MIR2052HG: variants seen among roughly 807,000 people sequenced by gnomAD.
The protein encoded by MIR2052HG is MIR2052 host gene.
intron 2 of MIR2052HG, among the ~76,000 whole-genome samples, chr8:74,643,531 C>T (rs1320571799): frequency 6.6e-6 from 1 of 152,102 alleles, no homozygotes; most frequent in Non-Finnish European, 1.5e-5. Context: ...AGTCTGTCAG[C>T]TAACAAAATG....
In MIR2052HG at chr8:74,727,296, A is replaced by T. The variant is rs189173163; in HGVS notation, n.371+23614A>T. The stretch of plus-strand genomic sequence containing the variant: ...TAGTCATGTTTATAGTGACTGAGGA[A>T]ATCTCACAAGGAAAGCACTAAAGCA... On this transcript the variant is annotated intron_variant and non_coding_transcript_variant, in intron 4 of 6. Coordinates refer to ENST00000523442, the Ensembl canonical transcript of MIR2052HG. Among the ~76,000 whole-genome samples, 4 of 152,350 alleles carry T rather than the reference A, an allele frequency of 2.6e-5. No individual in the cohort carries two copies. The East Asian group carries it at 7.7e-4, about 29-fold the overall frequency.
intron 2 of MIR2052HG, among the ~76,000 whole-genome samples, chr8:74,687,391 A>T (rs1003202856): frequency 2.0e-5 from 3 of 152,174 alleles, no homozygotes; most frequent in African/African-American, 7.2e-5. Context: ...AGACATTTGC[A>T]CACTGATGCT....
At chr8:74,651,963 A>T (rs1282892240) in intron 2 of MIR2052HG, among the ~76,000 whole-genome samples, 1 of 152,162 alleles carries the variant, frequency 6.6e-6, no homozygotes, top group Non-Finnish European at 1.5e-5. Context: ...TCTCTCTGGC[A>T]TTCACTGGCA....
Position 74,608,826 on chromosome 8 carries a change from A to G in MIR2052HG, n.129-4027A>G, listed in dbSNP as rs1049123256. On this transcript the variant is annotated intron_variant and non_coding_transcript_variant, in intron 1 of 6. Coordinates refer to ENST00000523442, the Ensembl canonical transcript of MIR2052HG. The stretch of plus-strand genomic sequence containing the variant: ...ACTTAGTGGAAAATTTATGACACCA[A>G]CTACCTGTATTAGAAAAGAAGAAAG... Among the ~76,000 whole-genome samples the G allele has an allele frequency of 1.8e-4, 28 of 152,102 alleles. 1 individual carries two copies. The highest frequency in any genetic ancestry group is 3.5e-4 in the Non-Finnish European group (24 of 67,946).
chr8:74,612,635 C>A (rs1323313175), intron 1 of MIR2052HG: 1 of 303,212 alleles, frequency 3.3e-6, no homozygotes, highest in Non-Finnish European at 6.5e-6. Flanking sequence ...AGAGGAGTAT[C>A]CTTCTAATCA....
At chr8:74,731,215 T>C (rs1809689516) in intron 4 of MIR2052HG, among the ~76,000 whole-genome samples, 1 of 152,216 alleles carries the variant, frequency 6.6e-6, no homozygotes, top group African/African-American at 2.4e-5. Context: ...TTCCCAAGTC[T>C]GCTCTGGCTG....
At chr8:74,723,494 A>T (rs1002431137) in intron 4 of MIR2052HG, among the ~76,000 whole-genome samples, 1 of 151,730 alleles carries the variant, frequency 6.6e-6, no homozygotes, top group African/African-American at 2.4e-5. Context: ...ACTCCTTCCT[A>T]GCTCTGTGCC....
At chr8:74,683,621 G>C (rs918616873) in intron 2 of MIR2052HG, among the ~76,000 whole-genome samples, 2 of 151,960 alleles carry the variant, frequency 1.3e-5, no homozygotes, top group Admixed American at 1.3e-4. Context: ...TGTTCCTTTT[G>C]ATTTAAAGAT....
At chr8:74,685,258 T>C (rs1809168555) in intron 2 of MIR2052HG, among the ~76,000 whole-genome samples, 1 of 152,054 alleles carries the variant, frequency 6.6e-6, no homozygotes, top group Non-Finnish European at 1.5e-5. Flanking sequence ...TAATTTCACT[T>C]GAAAAAAGAT....
chr8:74,640,489 A>AAG (rs1491041785), intron 2 of MIR2052HG, among the ~76,000 whole-genome samples: 1 of 141,748 alleles, frequency 7.1e-6, no homozygotes, highest in Non-Finnish European at 1.5e-5. Context: ...AAAAAAAAAA[A>AAG]GAGTGGGCGC....
At chr8:74,753,364 G>A (rs186546910) in intron 5 of MIR2052HG, among the ~76,000 whole-genome samples, 5 of 152,210 alleles carry the variant, frequency 3.3e-5, no homozygotes, top group African/African-American at 4.8e-5. Context: ...CATAGGATGC[G>A]TAACAGTGAC....
chr8:74,744,166 G>A (rs1295013932), intron 4 of MIR2052HG, among the ~76,000 whole-genome samples: 1 of 152,028 alleles, frequency 6.6e-6, no homozygotes, highest in Non-Finnish European at 1.5e-5. Flanking sequence ...AGATTTGTTT[G>A]GGTATGTGAT....
At chr8:74,750,388 G>GA (rs1301378845) in intron 4 of MIR2052HG, among the ~76,000 whole-genome samples, 1 of 152,124 alleles carries the variant, frequency 6.6e-6, no homozygotes, top group Non-Finnish European at 1.5e-5. Context: ...TTTTCTCGCT[G>GA]AAAAATTCAA....
chr8:74,690,927 A>T (rs1809233446), intron 2 of MIR2052HG, among the ~76,000 whole-genome samples: 1 of 152,030 alleles, frequency 6.6e-6, no homozygotes, highest in African/African-American at 2.4e-5. Flanking sequence ...AGTTTTAAAA[A>T]TTTTCTTAAA....
chr8:74,701,073 T>C (rs558554299), intron 2 of MIR2052HG, among the ~76,000 whole-genome samples: 2 of 152,244 alleles, frequency 1.3e-5, no homozygotes, highest in South Asian at 2.1e-4. Context: ...TCAAACCTAC[T>C]ACATGAGATA....
intron 2 of MIR2052HG, among the ~76,000 whole-genome samples, chr8:74,655,977 C>G (rs1000512592): frequency 2.6e-5 from 4 of 152,298 alleles, no homozygotes; most frequent in Admixed American, 2.6e-4. Context: ...GGATGTAAGA[C>G]ATGGGGTCAA....
At chr8:74,606,500 G>A (rs548150509) in intron 1 of MIR2052HG, among the ~76,000 whole-genome samples, 57 of 152,232 alleles carry the variant, frequency 3.7e-4, no homozygotes, top group African/African-American at 1.2e-3. Context: ...AGGCCAGCAG[G>A]GAAGAAGTAA....
At chr8:74,709,843 G>A (rs1220428274) in intron 4 of MIR2052HG, among the ~76,000 whole-genome samples, 3 of 152,098 alleles carry the variant, frequency 2.0e-5, no homozygotes, top group Non-Finnish European at 4.4e-5. Context: ...TTTTGAGTGA[G>A]TGATATTTCA....
At chr8:74,642,607 G>T (rs946772539) in intron 2 of MIR2052HG, among the ~76,000 whole-genome samples, 4 of 152,104 alleles carry the variant, frequency 2.6e-5, no homozygotes, top group African/African-American at 7.2e-5. Flanking sequence ...TTTGCTAACT[G>T]TTGGGAAATT....
Sources: gnomAD v4.1 joint callset for allele counts (sites outside exome capture counted in the v4.1 genomes callset) on GRCh38, gnomAD v4.1.1 for gene constraint, MANE v1.5 for transcripts, NCBI Gene and HGNC (gene_info 2026-07-23, HGNC 2026-07-21) for gene names.